The following NUSAP1 variants were observed in gnomAD, a reference collection of about 807,000 sequenced individuals.
NUSAP1 encodes nucleolar and spindle-associated protein 1.
NUSAP1 carries 32 observed loss-of-function variants against 52.8 expected under a neutral mutation model. The ratio of observed to expected loss-of-function variants is 0.61; its 90% CI spans 0.46 to 0.81. The LOEUF is 0.81. Ranked by LOEUF, NUSAP1 falls within the 40% of genes least tolerant of loss-of-function variation. The pLI, the probability that NUSAP1 is intolerant of heterozygous loss-of-function variation, is 0.00. For synonymous variants in NUSAP1, 195 were observed against 183.1 expected (o/e 1.06, Z -0.52); for missense variants, 499 against 522.3 (o/e 0.96, Z 0.43).
Position 41,332,897 on chromosome 15 carries a change from G to C in NUSAP1, c.-61G>C. 1 of 1,359,058 alleles carries C rather than the reference G, an allele frequency of 7.4e-7. No individual in the cohort carries two copies. 84.2% of individuals were successfully genotyped at this position (1,359,058 alleles called of 1,614,324 possible). A position where few individuals can be genotyped will look rare whatever the true frequency, so the allele number is the denominator to read the frequency against. On this transcript the variant is annotated 5_prime_UTR_variant, in exon 1 of 11. Coordinates refer to ENST00000559596, the MANE Select transcript of NUSAP1 (RefSeq NM_016359.5). ...AAGTTAAGAGTGGCGCCAGGGATTT[G>C]AACCGCGCTGACGAAGTTTGGTGAT...
At chr15:41,355,341 T>G (rs1376870408) in intron 4 of NUSAP1, among the ~76,000 whole-genome samples, 1 of 150,988 alleles carries the variant, frequency 6.6e-6, no homozygotes, top group Non-Finnish European at 1.5e-5. Context: ...CCCAGCTCAT[T>G]TTTGTATTTT....
intron 10 of NUSAP1, among the ~76,000 whole-genome samples, chr15:41,377,515 C>T (rs375012929): frequency 2.5e-4 from 38 of 150,418 alleles, no homozygotes; most frequent in Non-Finnish European, 3.4e-4. Flanking sequence ...CTGGCTAACA[C>T]GGTGAAACCC....
intron 6 of NUSAP1, among the ~76,000 whole-genome samples, chr15:41,364,203 TC>T: frequency 6.6e-6 from 1 of 152,126 alleles, no homozygotes; most frequent in Non-Finnish European, 1.5e-5. Context: ...CTTTTTTTCT[TC>T]CTTTGTGGCT....
Position 41,380,869 on chromosome 15 carries a change from C to T in NUSAP1, c.*683C>T, listed in dbSNP as rs2140899959. 6.6e-6 allele frequency: 1 copy of T among 152,312 alleles called. No individual in the cohort carries two copies. The highest frequency in any genetic ancestry group is 1.5e-5 in the Non-Finnish European group (1 of 68,038). The allele number at this position is 152,312 out of a possible 1,614,324, so 9.4% of individuals were successfully genotyped here. ...ATTAATGCTTTAATGCTTTTAGAGA[C>T]AGGGTCTCACTGTGTTGCCCAGGCT... On this transcript the variant is annotated 3_prime_UTR_variant, in exon 11 of 11. Coordinates refer to ENST00000559596, the MANE Select transcript of NUSAP1 (RefSeq NM_016359.5).
intron 4 of NUSAP1, among the ~76,000 whole-genome samples, chr15:41,353,060 T>G (rs1446981575): frequency 6.6e-6 from 1 of 152,186 alleles, no homozygotes; most frequent in African/African-American, 2.4e-5. Flanking sequence ...TATGGTGGTG[T>G]CTGCTAGGTT....
intron 9 of NUSAP1, among the ~76,000 whole-genome samples, chr15:41,376,281 C>G (rs2049930332): frequency 6.6e-6 from 1 of 151,734 alleles, no homozygotes; most frequent in African/African-American, 2.4e-5. Flanking sequence ...CGCCTGTAAT[C>G]CCAGCTACTT....
intron 6 of NUSAP1, among the ~76,000 whole-genome samples, chr15:41,360,737 G>A (rs1176568747): frequency 3.3e-5 from 5 of 151,406 alleles, no homozygotes; most frequent in Non-Finnish European, 5.9e-5. Flanking sequence ...GATTACAGGC[G>A]TGAGCCACCA....
At chr15:41,363,938 G>A (rs2049286033) in intron 6 of NUSAP1, among the ~76,000 whole-genome samples, 1 of 151,886 alleles carries the variant, frequency 6.6e-6, no homozygotes, top group Non-Finnish European at 1.5e-5. Context: ...TATTGTTTGG[G>A]GATAGAGGGA....
rs1339131277 is a variant in NUSAP1 at position 41,365,460 on chromosome 15, C to A, written c.719C>A (p.Ser240Tyr). The change falls in exon 7 of 11, where the codon TCT (serine) becomes TAT (tyrosine). Residue 240 changes from serine (S) to tyrosine (Y), a missense_variant. Physicochemically the swap from Ser to Tyr is moderately radical, Grantham distance 144. Coordinates refer to ENST00000559596, the MANE Select transcript of NUSAP1 (RefSeq NM_016359.5). ...CCAGTACCTCCAAGAGGAAGACTCT[C>A]TGTGGCTTCTACTCCCATCAGCCAA... ...RTPVPPRGRL[S>Y]VASTPISQRR... is the part of the protein sequence containing the mutation. The A allele has an allele frequency of 8.7e-6, 14 of 1,613,034 alleles. No homozygotes were observed. The highest frequency in any genetic ancestry group is 1.2e-5 in the Non-Finnish European group (14 of 1,179,500).
At chr15:41,347,826 AAAAG>A (rs1479897883) in intron 2 of NUSAP1, among the ~76,000 whole-genome samples, 2 of 152,024 alleles carry the variant, frequency 1.3e-5, no homozygotes, top group South Asian at 2.1e-4. Context: ...AAAAAAAAAA[AAAAG>A]AAAGAAAACG....
At chr15:41,376,433 A>G (rs1162670873) in intron 9 of NUSAP1, among the ~76,000 whole-genome samples, 3 of 151,520 alleles carry the variant, frequency 2.0e-5, no homozygotes, top group Non-Finnish European at 2.9e-5. Context: ...CACGCCTGTA[A>G]TCCCAGCACT....
intron 5 of NUSAP1, 100 bp downstream of exon 5, chr15:41,356,240 C>T: frequency 1.4e-6 from 1 of 708,652 alleles, no homozygotes; most frequent in South Asian, 1.6e-5. Context: ...AACCAGTTTA[C>T]ATTCTAGTTC....
chr15:41,357,466 G>A (rs988896114), intron 5 of NUSAP1, among the ~76,000 whole-genome samples: 2 of 150,574 alleles, frequency 1.3e-5, no homozygotes, highest in Admixed American at 6.6e-5. Flanking sequence ...TTTTTGAGAC[G>A]AAGTTTTGCT....
At chr15:41,370,797 C>A (rs1010440020) in intron 7 of NUSAP1, among the ~76,000 whole-genome samples, 2 of 151,390 alleles carry the variant, frequency 1.3e-5, no homozygotes, top group Non-Finnish European at 2.9e-5. Context: ...TGGCACATAC[C>A]CATAGTCCCA....
intron 5 of NUSAP1, among the ~76,000 whole-genome samples, chr15:41,356,689 A>G (rs2048986777): frequency 6.6e-6 from 1 of 152,136 alleles, no homozygotes; most frequent in Non-Finnish European, 1.5e-5. Flanking sequence ...AGATACATAA[A>G]TTGAGAATAC....
chr15:41,335,028 C>G (rs1169102365), intron 1 of NUSAP1, among the ~76,000 whole-genome samples: 2 of 151,912 alleles, frequency 1.3e-5, no homozygotes, highest in Non-Finnish European at 2.9e-5. Flanking sequence ...ATTCTCTCTA[C>G]TTTTTTAGGT....
At chr15:41,335,864 T>C (rs1298595414) in intron 1 of NUSAP1, among the ~76,000 whole-genome samples, 3 of 148,918 alleles carry the variant, frequency 2.0e-5, no homozygotes, top group African/African-American at 7.3e-5. Context: ...AAATATACTA[T>C]ATTTTTATGT....
chr15:41,377,140 T>C (rs2049973430), intron 9 of NUSAP1, 56 bp from the exon 10 acceptor site: 2 of 883,848 alleles, frequency 2.3e-6, no homozygotes, highest in South Asian at 3.1e-5. Context: ...GAGAATGAAG[T>C]TGGGAATATA....
chr15:41,364,871 T>TA (rs879585272), intron 6 of NUSAP1, among the ~76,000 whole-genome samples: 285 of 134,560 alleles, frequency 2.1e-3, no homozygotes, highest in Middle Eastern at 0.011. Flanking sequence ...CTGTCTCAAA[T>TA]AAAAAAAAAA....
Sources: allele counts gnomAD v4.1 joint callset (sites outside exome capture counted in the v4.1 genomes callset), GRCh38; gene constraint gnomAD v4.1.1; transcripts MANE v1.5; gene names NCBI Gene and HGNC (gene_info 2026-07-23, HGNC 2026-07-21).